The following STK33 variants were observed in gnomAD, a reference collection of about 807,000 sequenced individuals.
The protein encoded by STK33 is serine/threonine kinase 33.
Under a neutral mutation model 58.0 loss-of-function variants are expected in STK33, and 52 were observed. The ratio of observed to expected loss-of-function variants is 0.90; its 90% CI spans 0.72 to 1.13. The LOEUF (loss-of-function observed/expected upper bound fraction) is 1.13. Ranked by LOEUF, STK33 falls within the 50% of genes most tolerant of loss-of-function variation. The pLI, the probability that STK33 is intolerant of heterozygous loss-of-function variation, is 0.00. For missense variants in STK33, 630 were observed against 604.2 expected (o/e 1.04, Z -0.45); for synonymous variants, 215 against 200.1 (o/e 1.07, Z -0.63).
chr11:8,573,627 C>A (rs1300538932), intron 1 of STK33, among the ~76,000 whole-genome samples: 1 of 152,188 alleles, frequency 6.6e-6, no homozygotes, highest in Non-Finnish European at 1.5e-5. Context: ...GAAACTTGTA[C>A]ACAAACGTTC....
the STK33 span, among the ~76,000 whole-genome samples, chr11:8,382,059 G>A: frequency 0.44 from 66,684 of 151,598 alleles, 15,571 homozygotes; most frequent in African/African-American, 0.59. Context: ...CTCCTGCCTC[G>A]CCCCCACCCC....
At chr11:8,379,444 G>T in the STK33 span, among the ~76,000 whole-genome samples, 1 of 151,926 alleles carries the variant, frequency 6.6e-6, no homozygotes, top group Non-Finnish European at 1.5e-5. Flanking sequence ...AAACAGATTA[G>T]CAAGAAAAAA....
intron 15 of STK33, among the ~76,000 whole-genome samples, chr11:8,394,612 C>A (rs996172862): frequency 6.6e-6 from 1 of 152,104 alleles, no homozygotes; most frequent in Non-Finnish European, 1.5e-5. Context: ...GTTGCAGTCA[C>A]CAGGAAGAAA....
At chr11:8,536,473 A>AT (rs1955010487) in intron 1 of STK33, among the ~76,000 whole-genome samples, 1 of 152,212 alleles carries the variant, frequency 6.6e-6, no homozygotes, top group South Asian at 2.1e-4. Context: ...TTCACAATGG[A>AT]AGGAACAGGC....
chr11:8,389,335 C>T (rs1310206939), downstream of STK33, among the ~76,000 whole-genome samples: 1 of 152,238 alleles, frequency 6.6e-6, no homozygotes, highest in African/African-American at 2.4e-5. Context: ...CTCCCCTTCT[C>T]TCATCTCCCC....
intron 1 of STK33, among the ~76,000 whole-genome samples, chr11:8,563,044 A>G (rs1490031982): frequency 6.6e-6 from 1 of 152,140 alleles, no homozygotes. Flanking sequence ...CAGTTCAAGG[A>G]GAGGCAAAAG....
At chr11:8,483,708 A>G (rs1487420509) in intron 1 of STK33, among the ~76,000 whole-genome samples, 1 of 152,210 alleles carries the variant, frequency 6.6e-6, no homozygotes, top group Non-Finnish European at 1.5e-5. Context: ...AGCCAGTACA[A>G]TCAATCAAAA....
At chr11:8,438,046 G>C (rs185279597) in intron 12 of STK33, among the ~76,000 whole-genome samples, 1 of 152,282 alleles carries the variant, frequency 6.6e-6, no homozygotes, top group East Asian at 1.9e-4. Flanking sequence ...CAAAGGCCTA[G>C]TTCATTGAGC....
At chr11:8,486,162 T>C (rs574162478) in intron 1 of STK33, among the ~76,000 whole-genome samples, 170 of 152,310 alleles carry the variant, frequency 1.1e-3, no homozygotes, top group Non-Finnish European at 2.2e-3. Context: ...GCCAGAATAC[T>C]CTTTCTAATA....
At chr11:8,477,855 A>G (rs1184745512) in intron 2 of STK33, among the ~76,000 whole-genome samples, 1 of 152,164 alleles carries the variant, frequency 6.6e-6, no homozygotes, top group Non-Finnish European at 1.5e-5. Flanking sequence ...ATATGCATAA[A>G]GCATAGGATT....
At chr11:8,448,034 T>A (rs182151695) in intron 11 of STK33, among the ~76,000 whole-genome samples, 3 of 152,288 alleles carry the variant, frequency 2.0e-5, no homozygotes, top group South Asian at 2.1e-4. Context: ...CCATTCACAA[T>A]TGCTACAAAG....
chr11:8,481,445 T>G (rs894992976), intron 1 of STK33, among the ~76,000 whole-genome samples: 13 of 152,250 alleles, frequency 8.5e-5, no homozygotes, highest in Admixed American at 8.5e-4. Context: ...GTAAGGATTA[T>G]TGACTGAAAG....
the STK33 span, among the ~76,000 whole-genome samples, chr11:8,376,045 A>G: frequency 2.0e-5 from 3 of 152,212 alleles, no homozygotes; most frequent in African/African-American, 7.2e-5. Context: ...CAACAGGGCA[A>G]ATGCATTCCT....
chr11:8,547,228 T>C (rs1409292662), intron 1 of STK33, among the ~76,000 whole-genome samples: 2 of 152,258 alleles, frequency 1.3e-5, no homozygotes, highest in East Asian at 3.8e-4. Flanking sequence ...TGTTTGTTTC[T>C]GTTGAGACGG....
chr11:8,401,219 T>C (rs974738313), intron 15 of STK33, among the ~76,000 whole-genome samples: 3 of 152,082 alleles, frequency 2.0e-5, no homozygotes, highest in Non-Finnish European at 4.4e-5. Context: ...CTTCAAACTA[T>C]ACAACAAGGC....
chr11:8,363,217 G>T, the STK33 span, among the ~76,000 whole-genome samples: 1 of 152,098 alleles, frequency 6.6e-6, no homozygotes. Context: ...TGAAGAAGGG[G>T]AAAAAGGCCA....
the STK33 span, among the ~76,000 whole-genome samples, chr11:8,351,543 G>A: frequency 6.6e-6 from 1 of 152,200 alleles, no homozygotes. Context: ...ACCACAGGAG[G>A]GAGTCACCAA....
intron 6 of STK33, among the ~76,000 whole-genome samples, chr11:8,468,773 T>C (rs1348474659): frequency 2.0e-5 from 3 of 152,196 alleles, no homozygotes; most frequent in Non-Finnish European, 4.4e-5. Flanking sequence ...TTTATTCTTA[T>C]ATTTATATGC....
chr11:8,349,504 T>C, the STK33 span, among the ~76,000 whole-genome samples: 1 of 152,174 alleles, frequency 6.6e-6, no homozygotes, highest in African/African-American at 2.4e-5. Context: ...TCTGCCCCAG[T>C]ACCCTCATGT....
Sources: allele counts gnomAD v4.1 joint callset (sites outside exome capture counted in the v4.1 genomes callset), GRCh38; gene constraint gnomAD v4.1.1; transcripts MANE v1.5; gene names NCBI Gene and HGNC (gene_info 2026-07-23, HGNC 2026-07-21).